Variants in GTF2A2 observed in about 807,000 individuals in gnomAD.
GTF2A2 encodes the protein transcription initiation factor IIA subunit 2.
A neutral mutation model predicts 14.3 loss-of-function variants in GTF2A2; 9 were observed. That is an observed-to-expected ratio of 0.63 (90% CI 0.38 to 1.10). GTF2A2 has a LOEUF of 1.10. Among genes scored for constraint, GTF2A2 ranks in the 50% least tolerant of loss-of-function variants. The probability of loss-of-function intolerance (pLI) is 0.01; values close to 1 mark genes in which losing one functional copy is unlikely to be tolerated. For missense variants in GTF2A2, 90 were observed against 124.6 expected (o/e 0.72, Z 1.32); for synonymous variants, 56 against 46.0 (o/e 1.22, Z -0.88).
chr15:59,639,225 T>C, intron 4 of GTF2A2, 68 bp from the exon 5 acceptor site: 1 of 959,220 alleles, frequency 1.0e-6, no homozygotes, highest in South Asian at 1.3e-5. Context: ...AATTAACTAT[T>C]TTAAGACTAT....
chr15:59,646,197 C>T (rs1407025492), intron 3 of GTF2A2, among the ~76,000 whole-genome samples: 1 of 152,082 alleles, frequency 6.6e-6, no homozygotes, highest in Non-Finnish European at 1.5e-5. Flanking sequence ...GCTGGGACTA[C>T]AGGAATGCGC....
chr15:59,657,151 A>G (rs7180620), intron 1 of GTF2A2: 147,692 of 152,340 alleles, frequency 0.97, 71,763 homozygotes, highest in East Asian at 1. Context: ...GGTGGGCTGA[A>G]GACCTCCCCT....
chr15:59,649,700 C>T (rs1455479095), intron 3 of GTF2A2, among the ~76,000 whole-genome samples: 2 of 152,092 alleles, frequency 1.3e-5, no homozygotes, highest in Non-Finnish European at 2.9e-5. Flanking sequence ...ATATAAAATA[C>T]ATGGAGATTT....
intron 3 of GTF2A2, 135 bp from the exon 4 acceptor site, chr15:59,642,397 A>G (rs1279494694): frequency 2.9e-6 from 2 of 680,210 alleles, no homozygotes; most frequent in Non-Finnish European, 4.4e-6. Context: ...CTTAACTTTA[A>G]TCCTAGCTAT....
At chr15:59,654,305 AG>A (rs1318017948) in intron 1 of GTF2A2, among the ~76,000 whole-genome samples, 2 of 152,122 alleles carry the variant, frequency 1.3e-5, no homozygotes, top group Admixed American at 6.5e-5. Flanking sequence ...GTTCTTTGAC[AG>A]GGGAAGCATG....
Position 59,639,056 on chromosome 15 carries a change from A to AAAAAGTC in GTF2A2, c.*69_*75dup. 1.2e-6 allele frequency: 1 copy of AAAAAGTC among 865,222 alleles called. No individual in the cohort carries two copies. Among genetic ancestry groups the AAAAAGTC allele is most frequent in the South Asian group, 1.4e-5 (1 of 73,472 alleles). 53.6% of individuals were successfully genotyped at this position (865,222 alleles called of 1,614,324 possible). Reference sequence around the variant, plus strand: ...TCATTTCTGCAATTCTAGAATAAATAAAAAGTCTCTTCTATGCTTCTCTTC... The same window carrying AAAAAGTC: ...TCATTTCTGCAATTCTAGAATAAATAAAAAGTCAAAAGTCTCTTCTATGCTTCTCTTC... On this transcript the variant is annotated 3_prime_UTR_variant, in exon 5 of 5. Coordinates refer to ENST00000396060, the MANE Select transcript of GTF2A2 (RefSeq NM_004492.3).
rs528773071 is a variant in GTF2A2, at chr15:59,655,443, T to C, written c.-50+1963A>G. Among the ~76,000 whole-genome samples, 31 of 152,362 alleles carry C rather than the reference T, an allele frequency of 2.0e-4. No individual in the cohort carries two copies. The South Asian group carries it at 6.4e-3, about 32-fold the overall frequency. On this transcript the variant is annotated intron_variant, in intron 1 of 4. Coordinates refer to ENST00000396060, the MANE Select transcript of GTF2A2 (RefSeq NM_004492.3). ...TAATTCTCTAGCCTCACTCAGAATATTGGACACAGCTGATTACTCCCTCCT... is the reference window on the plus strand; with the variant it reads ...TAATTCTCTAGCCTCACTCAGAATACTGGACACAGCTGATTACTCCCTCCT...
intron 1 of GTF2A2, among the ~76,000 whole-genome samples, chr15:59,653,707 C>G (rs1260617682): frequency 1.7e-4 from 26 of 152,112 alleles, no homozygotes; most frequent in Admixed American, 1.7e-3. Context: ...TCAATTCTCC[C>G]TTTGTACCCA....
intron 2 of GTF2A2, chr15:59,651,898 G>T: frequency 4.5e-6 from 1 of 223,838 alleles, no homozygotes; most frequent in Non-Finnish European, 8.8e-6. Flanking sequence ...TGCTTAAGCT[G>T]GTCTCAAACT....
chr15:59,639,178 T>G (rs1725458318), intron 4 of GTF2A2, 21 bp from the exon 5 acceptor site: 1 of 1,213,816 alleles, frequency 8.2e-7, no homozygotes, highest in South Asian at 1.9e-5. Context: ...AAAGAGAAAG[T>G]AAAGTAAAGT....
At position 59,639,255 on chromosome 15, in the gene GTF2A2, C is replaced by T. The variant is rs541979877; in HGVS notation, c.305-98G>A. 1.6e-4 allele frequency: 122 copies of T among 766,868 alleles called. 3 individuals are homozygous for T. In the South Asian group the frequency reaches 1.6e-3, roughly 10 times the overall value. The allele number at this position is 766,868 out of a possible 1,614,324, so 47.5% of individuals were successfully genotyped here. A position where few individuals can be genotyped will look rare whatever the true frequency, so the allele number is the denominator to read the frequency against. On this transcript the variant is annotated intron_variant, in intron 4 of 4. Transcript: ENST00000396060. ...GACTATCAAAAATGAGAACACAGGACTAATAGTGGTGGTGGCTTGCAGGGT... is the reference window on the plus strand; with the variant it reads ...GACTATCAAAAATGAGAACACAGGATTAATAGTGGTGGTGGCTTGCAGGGT...
At chr15:59,645,863 C>T (rs79471890) in intron 3 of GTF2A2, among the ~76,000 whole-genome samples, 3,986 of 151,760 alleles carry the variant, frequency 0.026, 159 homozygotes, top group African/African-American at 0.092. Context: ...AGTGAAACCC[C>T]GTCTCTACGT....
chr15:59,643,855 C>T lies in GTF2A2; in HGVS notation c.178-1593G>A, dbSNP rs377299385. On this transcript the variant is annotated intron_variant, in intron 3 of 4. Transcript: ENST00000396060. ...TCAGGTGATCTGCCCACCTTGGCCT[C>T]CCAAAGTTTTGGAATTACAGGCGTG... Among the ~76,000 whole-genome samples, 11 of 151,702 alleles carry T rather than the reference C, an allele frequency of 7.3e-5. No individual in the cohort carries two copies. In the East Asian group the frequency reaches 1.6e-3, roughly 22 times the overall value.
intron 4 of GTF2A2, among the ~76,000 whole-genome samples, chr15:59,639,437 C>T (rs1891312591): frequency 1.3e-5 from 2 of 150,382 alleles, no homozygotes; most frequent in African/African-American, 2.4e-5. Flanking sequence ...CATAACCTTT[C>T]TTCCCCCAGG....
intron 1 of GTF2A2, among the ~76,000 whole-genome samples, chr15:59,652,706 T>C (rs1354917043): frequency 6.6e-6 from 1 of 152,170 alleles, no homozygotes; most frequent in Non-Finnish European, 1.5e-5. Context: ...TTTATTTTCC[T>C]GTTCTCTCTA....
At chr15:59,644,758 C>T (rs1347917657) in intron 3 of GTF2A2, among the ~76,000 whole-genome samples, 1 of 152,146 alleles carries the variant, frequency 6.6e-6, no homozygotes, top group Non-Finnish European at 1.5e-5. Context: ...GGAAGACAAA[C>T]ACTTGGAATG....
intron 1 of GTF2A2, chr15:59,656,999 C>G (rs747974937): frequency 5.3e-5 from 8 of 152,066 alleles, no homozygotes; most frequent in Non-Finnish European, 1.2e-4. Context: ...GGAGTTCGCA[C>G]GAAGAAAGTT....
intron 3 of GTF2A2, among the ~76,000 whole-genome samples, chr15:59,643,523 C>G (rs1251241878): frequency 6.8e-6 from 1 of 147,690 alleles, no homozygotes; most frequent in African/African-American, 2.5e-5. Flanking sequence ...AGGACACATT[C>G]TTATAATTAA....
At position 59,638,729 on chromosome 15, in the gene GTF2A2, T is replaced by TAA. The variant is rs1218885222; in HGVS notation, c.*401_*402dup. The stretch of plus-strand genomic sequence containing the variant: ...TGCCCCTGCTGATGCTTTCATCAGG[T>TAA]AAAGTTACAACTGACAAAACATGAC... On this transcript the variant is annotated 3_prime_UTR_variant, in exon 5 of 5. Coordinates refer to ENST00000396060, the MANE Select transcript of GTF2A2 (RefSeq NM_004492.3). 1.3e-5 allele frequency: 2 copies of TAA among 152,494 alleles called. No homozygotes were observed. The highest frequency in any genetic ancestry group is 4.9e-5 in the African/African-American group (2 of 40,564). 9.4% of individuals were successfully genotyped at this position (152,494 alleles called of 1,614,324 possible).
Sources: gnomAD v4.1 joint callset for allele counts (sites outside exome capture counted in the v4.1 genomes callset) on GRCh38, gnomAD v4.1.1 for gene constraint, MANE v1.5 for transcripts, NCBI Gene and HGNC (gene_info 2026-07-23, HGNC 2026-07-21) for gene names.